WDR45B: variants seen among roughly 807,000 people sequenced by gnomAD.
The protein encoded by WDR45B is WD repeat domain phosphoinositide-interacting protein 3.
A neutral mutation model predicts 44.6 loss-of-function variants in WDR45B; 20 were observed. The observed-to-expected ratio is 0.45, with a 90% CI of 0.32 to 0.65. The LOEUF is 0.65. Ranked by LOEUF, WDR45B falls within the 30% of genes least tolerant of loss-of-function variation. The pLI, the probability that WDR45B is intolerant of heterozygous loss-of-function variation, is 0.05. For missense variants in WDR45B, 323 were observed against 430.2 expected (o/e 0.75, Z 2.20); for synonymous variants, 169 against 164.9 (o/e 1.02, Z -0.19).
chr17:82,631,277 ATTTTTTT>A (rs386386786), intron 2 of WDR45B, among the ~76,000 whole-genome samples: 4 of 86,822 alleles, frequency 4.6e-5, no homozygotes, highest in Admixed American at 1.3e-4. Flanking sequence ...TACAGGACTC[ATTTTTTT>A]TTTTTTTTTT....
At chr17:82,640,584 C>T (rs1013661762) in intron 2 of WDR45B, among the ~76,000 whole-genome samples, 15 of 152,086 alleles carry the variant, frequency 9.9e-5, no homozygotes, top group Non-Finnish European at 1.8e-4. Context: ...CTCCTGACCT[C>T]GTGATCTGCC....
chr17:82,627,343 T>C lies in WDR45B; in HGVS notation c.245-52A>G, dbSNP rs376742213. 155 of 1,465,656 alleles carry C rather than the reference T, an allele frequency of 1.1e-4. No individual in the cohort carries two copies. The African/African-American group carries it at 2.0e-3, about 19-fold the overall frequency. The allele number at this position is 1,465,656 out of a possible 1,614,324, so 90.8% of individuals were successfully genotyped here. A position where few individuals can be genotyped will look rare whatever the true frequency, so the allele number is the denominator to read the frequency against. On this transcript the variant is annotated intron_variant, in intron 3 of 9. Transcript: ENST00000392325. ...TGCAGTCATCAGCAGGCCATGGCGC[T>C]GGGATGCAGCGATGCCAGCTTGGCG...
intron 2 of WDR45B, among the ~76,000 whole-genome samples, chr17:82,633,889 C>T (rs2045799682): frequency 1.3e-5 from 2 of 151,958 alleles, no homozygotes; most frequent in African/African-American, 4.8e-5. Context: ...GTGGCTCATG[C>T]CTGTTATCTC....
intron 3 of WDR45B, chr17:82,629,677 C>T (rs1047174978): frequency 7.1e-6 from 7 of 985,220 alleles, no homozygotes; most frequent in East Asian, 2.3e-4. Context: ...AGTCCTCACC[C>T]GAGTGTGGTC....
chr17:82,645,290 T>G (rs1218720886), intron 1 of WDR45B, among the ~76,000 whole-genome samples: 1 of 144,826 alleles, frequency 6.9e-6, no homozygotes, highest in South Asian at 2.2e-4. Context: ...ACAGCAAGAC[T>G]CCGTCTCAAA....
At position 82,648,305 on chromosome 17, in the gene WDR45B, C is replaced by A. The variant is rs1337494118; in HGVS notation, c.36G>T (p.Gly12=). ...NLLPCNPHGN[G]LLYAGFNQDH... is the part of the protein sequence containing the mutation. ...CCTGGTTGAAGCCGGCGTAGAGCAG[C>A]CCGTTGCCGTGAGGGTTACACGGCA... Residue 12 remains glycine (G), a synonymous_variant, in exon 1 of 10, where the codon GGG becomes GGT. Transcript: ENST00000392325. The A allele has an allele frequency of 1.2e-6, 2 of 1,607,078 alleles. No homozygotes were observed. Among genetic ancestry groups the A allele is most frequent in the South Asian group, 2.2e-5 (2 of 90,412 alleles).
intron 5 of WDR45B, 132 bp from the exon 6 acceptor site, chr17:82,621,931 T>C: frequency 9.4e-7 from 1 of 1,067,986 alleles, no homozygotes; most frequent in South Asian, 1.4e-5. Context: ...ACAAATTCAA[T>C]TTAAAGATTT....
rs540262839 is a variant in WDR45B at position 82,615,544 on chromosome 17, A to G, written c.*375T>C. The G allele has an allele frequency of 4.4e-5, 14 of 320,004 alleles. No homozygotes were observed. The East Asian group carries it at 8.6e-4, about 20-fold the overall frequency. 19.8% of individuals were successfully genotyped at this position (320,004 alleles called of 1,614,324 possible). On this transcript the variant is annotated 3_prime_UTR_variant, in exon 10 of 10. Coordinates refer to ENST00000392325, the MANE Select transcript of WDR45B (RefSeq NM_019613.4). ...GCTGCAGACTCAGTAAGAACGACGG[A>G]ATCTGCTGCAAAAACAAACCTGAAC...
rs1448411610 is a variant in WDR45B at position 82,636,193 on chromosome 17, G to A, written c.143-5171C>T. Among the ~76,000 whole-genome samples, 8 of 150,224 alleles carry A rather than the reference G, an allele frequency of 5.3e-5. No individual in the cohort carries two copies. The South Asian group carries it at 8.4e-4, about 16-fold the overall frequency. On this transcript the variant is annotated intron_variant, in intron 2 of 9. Coordinates refer to ENST00000392325, the MANE Select transcript of WDR45B (RefSeq NM_019613.4). Reference sequence around the variant, plus strand: ...GGAGAATCACTTGAACCCGGCAGGTGGAGGTTGCAGTGAGCCGAGATCACG... The same window carrying A: ...GGAGAATCACTTGAACCCGGCAGGTAGAGGTTGCAGTGAGCCGAGATCACG...
At chr17:82,629,431 G>A (rs919957452) in intron 3 of WDR45B, 11 of 889,402 alleles carry the variant, frequency 1.2e-5, no homozygotes, top group Middle Eastern at 5.7e-4. Context: ...GTCCCTTCTG[G>A]GTGGGCTCCT....
intron 7 of WDR45B, among the ~76,000 whole-genome samples, chr17:82,617,783 G>C (rs895979138): frequency 1.3e-5 from 2 of 152,200 alleles, no homozygotes; most frequent in African/African-American, 4.8e-5. Flanking sequence ...GAAGGTGCAG[G>C]CTGCCCCTAT....
intron 1 of WDR45B, among the ~76,000 whole-genome samples, chr17:82,646,481 T>A (rs1598283072): frequency 7.8e-5 from 2 of 25,494 alleles, no homozygotes; most frequent in African/African-American, 2.9e-4. Context: ...GAGCGAAAAC[T>A]CCGTCTCAAA....
chr17:82,624,913 C>T (rs1013903715), intron 5 of WDR45B, among the ~76,000 whole-genome samples: 24 of 152,290 alleles, frequency 1.6e-4, no homozygotes, highest in Admixed American at 1.2e-3. Context: ...CCACCGCGCC[C>T]GGCCACAAAT....
chr17:82,642,494 C>G (rs1469422670), intron 2 of WDR45B, among the ~76,000 whole-genome samples: 1 of 152,222 alleles, frequency 6.6e-6, no homozygotes, highest in Non-Finnish European at 1.5e-5. Flanking sequence ...ATGTGCTTCC[C>G]CAAGTTCTGG....
At chr17:82,647,903 G>A (rs571900238) in intron 1 of WDR45B, among the ~76,000 whole-genome samples, 1 of 151,528 alleles carries the variant, frequency 6.6e-6, no homozygotes, top group Non-Finnish European at 1.5e-5. Context: ...CCCGCAGGGA[G>A]CCAGGGAACC....
chr17:82,630,480 C>G (rs2045753164), intron 3 of WDR45B, among the ~76,000 whole-genome samples: 1 of 152,180 alleles, frequency 6.6e-6, no homozygotes, highest in South Asian at 2.1e-4. Flanking sequence ...TACGCCACAT[C>G]ATCTGCATAC....
At chr17:82,635,477 G>A (rs2045821339) in intron 2 of WDR45B, among the ~76,000 whole-genome samples, 1 of 149,336 alleles carries the variant, frequency 6.7e-6, no homozygotes, top group African/African-American at 2.5e-5. Flanking sequence ...CCAGGATGGA[G>A]TGCAGTGGTG....
chr17:82,643,049 C>T (rs1241321833), intron 2 of WDR45B, among the ~76,000 whole-genome samples: 6 of 152,196 alleles, frequency 3.9e-5, no homozygotes, highest in East Asian at 1.9e-4. Context: ...CTAATGTGCG[C>T]GCAGGCATTA....
chr17:82,618,598 G>A (rs1035451031), intron 7 of WDR45B, among the ~76,000 whole-genome samples: 8 of 152,178 alleles, frequency 5.3e-5, no homozygotes, highest in Admixed American at 1.3e-4. Flanking sequence ...TTAGCCGGGC[G>A]TGGTGGTGCA....
Sources: gnomAD v4.1 joint callset for allele counts (sites outside exome capture counted in the v4.1 genomes callset) on GRCh38, gnomAD v4.1.1 for gene constraint, MANE v1.5 for transcripts, NCBI Gene and HGNC (gene_info 2026-07-23, HGNC 2026-07-21) for gene names.